CSNK1G1: variants seen among roughly 807,000 people sequenced by gnomAD.
CSNK1G1 encodes casein kinase 1 gamma 1, also known as casein kinase I isoform gamma-1.
In CSNK1G1, 22 loss-of-function variants were observed where a neutral mutation model predicts 59.6. The observed-to-expected ratio is 0.37, with a 90% confidence interval of 0.26 to 0.53. The LOEUF (loss-of-function observed/expected upper bound fraction) is 0.53. Ranked by LOEUF, CSNK1G1 falls within the 20% of genes least tolerant of loss-of-function variation. The probability of loss-of-function intolerance (pLI) is 0.89; values close to 1 mark genes in which losing one functional copy is unlikely to be tolerated. For synonymous variants in CSNK1G1, 179 were observed against 177.1 expected, an observed-to-expected ratio of 1.01 and a Z score of -0.08; for missense variants, 384 against 519.5, an observed-to-expected ratio of 0.74 and a Z score of 2.54.
intron 10 of CSNK1G1, among the ~76,000 whole-genome samples, chr15:64,186,129 TAG>T (rs142514676): frequency 0.018 from 2,736 of 152,186 alleles, 31 homozygotes; most frequent in Non-Finnish European, 0.028. Context: ...TTTTTTGAGA[TAG>T]AGTCTTGTTG....
At chr15:64,229,002 G>C (rs1196993943) in intron 4 of CSNK1G1, among the ~76,000 whole-genome samples, 3 of 127,562 alleles carry the variant, frequency 2.4e-5, no homozygotes, top group African/African-American at 3.3e-5. Flanking sequence ...CTGGGCGACA[G>C]AGTGAGACTC....
intron 11 of CSNK1G1, among the ~76,000 whole-genome samples, chr15:64,173,561 C>T (rs754355549): frequency 6.6e-6 from 1 of 151,608 alleles, no homozygotes; most frequent in Non-Finnish European, 1.5e-5. Context: ...CAGTGGAAAC[C>T]CTGGATAAGA....
At chr15:64,237,881 A>T (rs1157859616) in intron 4 of CSNK1G1, among the ~76,000 whole-genome samples, 1 of 152,224 alleles carries the variant, frequency 6.6e-6, no homozygotes, top group Non-Finnish European at 1.5e-5. Context: ...AAAGCCTGAT[A>T]ACCTCTATTA....
rs900981334 is a variant in CSNK1G1, at chr15:64,171,000, T to C, written c.*931A>G. The C allele has an allele frequency of 6.6e-6, 1 of 152,630 alleles. No individual in the cohort carries two copies. Among genetic ancestry groups the C allele is most frequent in the Non-Finnish European group, 1.5e-5 (1 of 68,032 alleles). The allele number at this position is 152,630 out of a possible 1,614,324, so 9.5% of individuals were successfully genotyped here. On this transcript the variant is annotated 3_prime_UTR_variant, in exon 12 of 12. Transcript: ENST00000303052. ...TCAGAATGACACCGAGTTTGGCTTC[T>C]CTTCTGGGTGCTGCAGATCAAACTC...
chr15:64,207,379 G>A, intron 7 of CSNK1G1, 130 bp downstream of exon 7: 1 of 617,334 alleles, frequency 1.6e-6, no homozygotes, highest in Non-Finnish European at 2.8e-6. Context: ...CCAAAGTGCT[G>A]GGATTACAGG....
intron 10 of CSNK1G1, chr15:64,181,034 TACC>T (rs754079152): frequency 9.3e-6 from 8 of 860,698 alleles, no homozygotes; most frequent in Non-Finnish European, 1.2e-5. Flanking sequence ...CAACAGTGGG[TACC>T]AGAAACTATA....
Position 64,188,541 on chromosome 15 carries a change from A to G in CSNK1G1, c.1108-8087T>C. On this transcript the variant is annotated intron_variant, in intron 10 of 11. Coordinates refer to ENST00000303052, the MANE Select transcript of CSNK1G1 (RefSeq NM_022048.5). This position sits in a 1 kb window ranked among gnomAD's most constrained non-coding sequence, Gnocchi z 4.2. ...GATATGGAAGGAAAGGTGAAGCAAC[A>G]GCAAGCAATAACAAAATCAAGTACA... 7.7e-7 allele frequency: 1 copy of G among 1,294,942 alleles called. No homozygotes were observed. The allele number at this position is 1,294,942 out of a possible 1,614,324, so 80.2% of individuals were successfully genotyped here.
intron 11 of CSNK1G1, among the ~76,000 whole-genome samples, chr15:64,173,950 G>A (rs1334337869): frequency 6.6e-6 from 1 of 152,004 alleles, no homozygotes; most frequent in East Asian, 1.9e-4. Flanking sequence ...CTTTAGAAAT[G>A]GACATTTTCC....
chr15:64,319,466 G>A (rs1370414821), intron 1 of CSNK1G1, among the ~76,000 whole-genome samples: 1 of 151,164 alleles, frequency 6.6e-6, no homozygotes, highest in African/African-American at 2.4e-5. Context: ...TAGAGTAAGT[G>A]CTTTCTTGAG....
chr15:64,281,009 A>G (rs1894097685), intron 2 of CSNK1G1, among the ~76,000 whole-genome samples: 1 of 151,732 alleles, frequency 6.6e-6, no homozygotes, highest in Non-Finnish European at 1.5e-5. Flanking sequence ...CCTCCCAAGT[A>G]GCTGGGACTA....
intron 10 of CSNK1G1, among the ~76,000 whole-genome samples, chr15:64,192,438 G>A (rs752998979): frequency 5.9e-5 from 9 of 152,152 alleles, no homozygotes; most frequent in Admixed American, 2.0e-4. Flanking sequence ...TAGCAATCCA[G>A]CATAGCATAA....
At chr15:64,184,964 T>C (rs1242180312) in intron 10 of CSNK1G1, among the ~76,000 whole-genome samples, 2 of 152,210 alleles carry the variant, frequency 1.3e-5, no homozygotes. Flanking sequence ...TCAACTCATG[T>C]GTCATTCTAA....
chr15:64,225,315 C>CAA (rs2082445121), intron 4 of CSNK1G1, among the ~76,000 whole-genome samples: 1 of 152,050 alleles, frequency 6.6e-6, no homozygotes, highest in African/African-American at 2.4e-5. Context: ...CCTATGGCTG[C>CAA]CTTCTTGGAA....
chr15:64,204,477 G>C lies in CSNK1G1; in HGVS notation c.963C>G (p.Thr321=). The change falls in exon 9 of 12, where the codon ACC becomes ACG. Residue 321 remains threonine, a synonymous_variant. Transcript: ENST00000303052. ...FTDLFEKKGY[T]FDYAYDWVGR... is the part of the protein sequence containing the mutation. Reference sequence around the variant, plus strand: ...CAACCCAATCATAGGCATAGTCAAAGGTGTAGCCTTTCTTTTCAAAGAGGT... The same window carrying C: ...CAACCCAATCATAGGCATAGTCAAACGTGTAGCCTTTCTTTTCAAAGAGGT... 1 of 1,612,484 alleles carries C rather than the reference G, an allele frequency of 6.2e-7. No individual in the cohort carries two copies. The highest frequency in any genetic ancestry group is 8.5e-7 in the Non-Finnish European group (1 of 1,179,526).
intron 10 of CSNK1G1, among the ~76,000 whole-genome samples, chr15:64,183,707 A>C (rs2081850828): frequency 6.6e-6 from 1 of 151,832 alleles, no homozygotes; most frequent in African/African-American, 2.4e-5. Flanking sequence ...CAAATTACTG[A>C]CATTTTAAAC....
At chr15:64,327,338 G>C (rs563764002) in intron 1 of CSNK1G1, among the ~76,000 whole-genome samples, 2 of 150,608 alleles carry the variant, frequency 1.3e-5, no homozygotes, top group East Asian at 3.9e-4. Flanking sequence ...AGAACGGGCA[G>C]ACTGCCTCCT....
At chr15:64,218,453 C>T (rs1034654364) in intron 4 of CSNK1G1, among the ~76,000 whole-genome samples, 4 of 151,254 alleles carry the variant, frequency 2.6e-5, no homozygotes, top group Admixed American at 1.3e-4. Flanking sequence ...AGTATAGTGG[C>T]GCAATCTTGG....
At chr15:64,338,396 A>C (rs1332691745) in intron 1 of CSNK1G1, among the ~76,000 whole-genome samples, 1 of 152,082 alleles carries the variant, frequency 6.6e-6, no homozygotes, top group Admixed American at 6.6e-5. Flanking sequence ...ACATCTAACA[A>C]CTTGATGGTT....
intron 9 of CSNK1G1, among the ~76,000 whole-genome samples, chr15:64,204,237 A>G (rs539124356): frequency 1.3e-5 from 2 of 152,096 alleles, no homozygotes; most frequent in African/African-American, 4.8e-5. Flanking sequence ...CTATATTACT[A>G]GGAAAAAATA....
Sources: gnomAD v4.1 joint callset for allele counts (sites outside exome capture counted in the v4.1 genomes callset) on GRCh38, gnomAD v4.1.1 for gene constraint, Gnocchi (gnomAD v3.1) non-coding constraint, MANE v1.5 for transcripts, NCBI Gene and HGNC (gene_info 2026-07-23, HGNC 2026-07-21) for gene names.